PMCH: variants seen among roughly 807,000 people sequenced by gnomAD.
PMCH encodes pro-melanin concentrating hormone.
PMCH carries 8 observed loss-of-function variants against 15.9 expected under a neutral mutation model. The observed-to-expected ratio is 0.50, with a 90% CI of 0.29 to 0.91. PMCH has a LOEUF of 0.91. PMCH is among the 40% of genes least tolerant of loss of function. The pLI is 0.07. For synonymous variants in PMCH, 73 were observed against 63.8 expected, an observed-to-expected ratio of 1.14 and a Z score of -0.69; for missense variants, 169 against 185.7, an observed-to-expected ratio of 0.91 and a Z score of 0.52.
In PMCH at chr12:102,197,549, C is replaced by G; in HGVS notation, c.222G>C (p.Met74Ile). 1.2e-6 allele frequency: 2 copies of G among 1,608,764 alleles called. No individual in the cohort carries two copies. The highest frequency in any genetic ancestry group is 2.2e-5 in the South Asian group (2 of 89,806). ...EQYKNDESSF[M>I]NEEENKVSKN... The stretch of plus-strand genomic sequence containing the variant: ...TTGAAACTTTATTTTCCTCTTCGTT[C>G]ATGAAACTGCTCTCATCATTTTTAT... Residue 74 changes from methionine (M) to isoleucine (I), a missense_variant, in exon 1 of 3, where the codon ATG becomes ATC. Met to Ile is a conservative substitution (Grantham distance 10, BLOSUM62 1). Transcript: ENST00000329406.
In PMCH at chr12:102,196,486, G is replaced by A; in HGVS notation, c.*166C>T. The A allele has an allele frequency of 1.4e-6, 1 of 736,954 alleles. No individual in the cohort carries two copies. Among genetic ancestry groups the A allele is most frequent in the South Asian group, 1.7e-5 (1 of 58,506 alleles). The allele number at this position is 736,954 out of a possible 1,614,324, so 45.7% of individuals were successfully genotyped here. A position where few individuals can be genotyped will look rare whatever the true frequency, so the allele number is the denominator to read the frequency against. ...ATGCAGAATTTTCACAAAGTTTAAT[G>A]CACAGAGAAAGCATATCATTTCAGT... On this transcript the variant is annotated 3_prime_UTR_variant, in exon 3 of 3. Coordinates refer to ENST00000329406, the MANE Select transcript of PMCH (RefSeq NM_002674.4).
In PMCH at chr12:102,197,188, G is replaced by A. The variant is rs1402463480; in HGVS notation, c.250-17C>T. Reference sequence around the variant, plus strand: ...GCCTGTGTTCTGTAAAGAGAAGGTTGATTTGGTTTTTAGCTATCGTATTCG... The same window carrying A: ...GCCTGTGTTCTGTAAAGAGAAGGTTAATTTGGTTTTTAGCTATCGTATTCG... On this transcript the variant is annotated splice_polypyrimidine_tract_variant and intron_variant, in intron 1 of 2. Coordinates refer to ENST00000329406, the MANE Select transcript of PMCH (RefSeq NM_002674.4). 1 of 1,597,542 alleles carries A rather than the reference G, an allele frequency of 6.3e-7. No homozygotes were observed. Among genetic ancestry groups the A allele is most frequent in the Admixed American group, 1.7e-5 (1 of 59,498 alleles).
chr12:102,196,997 G>A lies in PMCH; in HGVS notation c.424C>T (p.Pro142Ser). ...CTGTCAAAATCTCTCCTTCCTATAG[G>A]AAATTTAGCTGAGTTTTCTTCATCC... Reference protein sequence around the residue: ...IGDEENSAKFPIGRRDFDMLR... With the variant: ...IGDEENSAKFSIGRRDFDMLR... Residue 142 changes from proline (P) to serine (S), a missense_variant, in exon 2 of 3, where the codon CCT (proline) becomes TCT (serine). Coordinates refer to ENST00000329406, the MANE Select transcript of PMCH (RefSeq NM_002674.4). The A allele has an allele frequency of 6.2e-7, 1 of 1,611,462 alleles. No homozygotes were observed. The highest frequency in any genetic ancestry group is 8.5e-7 in the Non-Finnish European group (1 of 1,178,280).
chr12:102,196,624 CT>C lies in PMCH; in HGVS notation c.*27del. On this transcript the variant is annotated 3_prime_UTR_variant, in exon 3 of 3. Transcript: ENST00000329406. Reference sequence around the variant, plus strand: ...GGCAATTAAATGCTTTTATTTTCTTCTGAAAAGATGATGTGGACCAACAGGT... The same window carrying C: ...GGCAATTAAATGCTTTTATTTTCTTCGAAAAGATGATGTGGACCAACAGGT... The C allele has an allele frequency of 6.4e-7, 1 of 1,563,852 alleles. No individual in the cohort carries two copies. The highest frequency in any genetic ancestry group is 2.2e-5 in the East Asian group (1 of 44,564).
At chr12:102,197,414 G>A in intron 1 of PMCH, 108 bp downstream of exon 1, 1 of 1,052,742 alleles carries the variant, frequency 9.5e-7, no homozygotes, top group East Asian at 2.4e-5. Context: ...TATTGTGACT[G>A]TTTGCATATA....
chr12:102,197,409 T>C (rs1446041226), intron 1 of PMCH, 113 bp downstream of exon 1: 5 of 1,016,456 alleles, frequency 4.9e-6, no homozygotes, highest in Non-Finnish European at 7.2e-6. Flanking sequence ...ATGCATATTG[T>C]GACTGTTTGC....
At chr12:102,196,919 G>A in intron 2 of PMCH, 54 bp downstream of exon 2, 1 of 1,438,800 alleles carries the variant, frequency 7.0e-7, no homozygotes, top group Non-Finnish European at 9.7e-7. Flanking sequence ...TTAACTCAGA[G>A]TTCTGTTTAA....
Position 102,197,752 on chromosome 12 carries a change from A to G in PMCH, c.19T>C (p.Ser7Pro), listed in dbSNP as rs746435201. 1.3e-6 allele frequency: 2 copies of G among 1,585,326 alleles called. No individual in the cohort carries two copies. The highest frequency in any genetic ancestry group is 1.7e-6 in the Non-Finnish European group (2 of 1,165,104). MAKMNLSSYILILTFSL... is the reference protein window; with the variant it reads MAKMNLPSYILILTFSL... Reference sequence around the variant, plus strand: ...AAAGTTAGTATTAATATATAGGAAGAGAGATTCATTTTTGCCATTCTTAGT... The same window carrying G: ...AAAGTTAGTATTAATATATAGGAAGGGAGATTCATTTTTGCCATTCTTAGT... The change falls in exon 1 of 3, where the codon TCT becomes CCT. Residue 7 changes from serine (S) to proline (P), a missense_variant. Transcript: ENST00000329406.
Position 102,197,542 on chromosome 12 carries a change from C to T in PMCH, c.229G>A (p.Glu77Lys). 1 of 1,606,842 alleles carries T rather than the reference C, an allele frequency of 6.2e-7. No individual in the cohort carries two copies. ...KNDESSFMNE[E>K]ENKVSKNTGS... Reference sequence around the variant, plus strand: ...CTTACCTTTGAAACTTTATTTTCCTCTTCGTTCATGAAACTGCTCTCATCA... The same window carrying T: ...CTTACCTTTGAAACTTTATTTTCCTTTTCGTTCATGAAACTGCTCTCATCA... Residue 77 changes from glutamate (E) to lysine (K), a missense_variant, in exon 1 of 3, where the codon GAG becomes AAG. Coordinates refer to ENST00000329406, the MANE Select transcript of PMCH (RefSeq NM_002674.4).
chr12:102,197,331 T>C (rs1891401856), intron 1 of PMCH, 160 bp from the exon 2 acceptor site: 2 of 822,096 alleles, frequency 2.4e-6, no homozygotes, highest in Non-Finnish European at 3.7e-6. Context: ...AAAAACACTT[T>C]CAGATAAGAG....
In PMCH at chr12:102,197,118, A is replaced by G; in HGVS notation, c.303T>C (p.Ala101=). The G allele has an allele frequency of 1.2e-6, 2 of 1,612,312 alleles. No homozygotes were observed. The highest frequency in any genetic ancestry group is 1.7e-6 in the Non-Finnish European group (2 of 1,178,704). Residue 101 remains alanine, a synonymous_variant, in exon 2 of 3, where the codon GCT becomes GCC. Transcript: ENST00000329406. ...CTTTTAGTGCAAGATAAGGTTTTAT[A>G]GCCAGATTCAGTGGCAGACCATGAT... ...FLNHGLPLNL[A]IKPYLALKGS...
At chr12:102,197,268 T>A (rs1891395135) in intron 1 of PMCH, 97 bp from the exon 2 acceptor site, 2 of 1,056,276 alleles carry the variant, frequency 1.9e-6, no homozygotes, top group Non-Finnish European at 2.7e-6. Flanking sequence ...TCAAAGTTAC[T>A]CTGCACTGTT....
chr12:102,197,546 G>C lies in PMCH; in HGVS notation c.225C>G (p.Asn75Lys), dbSNP rs550882139. ...QYKNDESSFM[N>K]EEENKVSKNT... The stretch of plus-strand genomic sequence containing the variant: ...CCTTTGAAACTTTATTTTCCTCTTC[G>C]TTCATGAAACTGCTCTCATCATTTT... The change falls in exon 1 of 3, where the codon AAC becomes AAG. Residue 75 changes from asparagine to lysine, a missense_variant. Transcript: ENST00000329406. The C allele has an allele frequency of 1.5e-4, 237 of 1,607,420 alleles. 1 individual carries two copies. In the South Asian group the frequency reaches 1.6e-3, roughly 11 times the overall value.
Position 102,196,571 on chromosome 12 carries a change from A to G in PMCH, c.*81T>C. 1 of 964,162 alleles carries G rather than the reference A, an allele frequency of 1.0e-6. No homozygotes were observed. The highest frequency in any genetic ancestry group is 1.7e-6 in the Non-Finnish European group (1 of 590,122). The allele number at this position is 964,162 out of a possible 1,614,324, so 59.7% of individuals were successfully genotyped here. A position where few individuals can be genotyped will look rare whatever the true frequency, so the allele number is the denominator to read the frequency against. On this transcript the variant is annotated 3_prime_UTR_variant, in exon 3 of 3. Transcript: ENST00000329406. ...CAGACATTTAACATACACAAGTTAT[A>G]GTAGCAGTATGGGCTTCTCCTCCCA...
intron 1 of PMCH, 82 bp from the exon 2 acceptor site, chr12:102,197,253 T>C (rs534700546): frequency 8.5e-7 from 1 of 1,174,328 alleles, no homozygotes; most frequent in South Asian, 1.4e-5. Context: ...TTCTTGTTGA[T>C]CAATTCAAAG....
intron 2 of PMCH, 27 bp from the exon 3 acceptor site, chr12:102,196,728 T>A (rs1486215113): frequency 6.5e-7 from 1 of 1,543,924 alleles, no homozygotes; most frequent in Non-Finnish European, 8.9e-7. Context: ...GTTTAAATTG[T>A]TTAAAGGACT....
Position 102,197,502 on chromosome 12 carries a change from CAA to C in PMCH, c.249+18_249+19del, listed in dbSNP as rs751321694. ...TTTAAATTTTCATTGAAATAAACGA[CAA>C]GTCACATTGCCACTTACCTTTGAAA... On this transcript the variant is annotated intron_variant, in intron 1 of 2. Coordinates refer to ENST00000329406, the MANE Select transcript of PMCH (RefSeq NM_002674.4). 5 of 1,578,370 alleles carry C rather than the reference CAA, an allele frequency of 3.2e-6. No homozygotes were observed. The highest frequency in any genetic ancestry group is 1.4e-5 in the African/African-American group (1 of 73,354).
chr12:102,197,041 T>G lies in PMCH; in HGVS notation c.380A>C (p.Gln127Pro), dbSNP rs940870183. 1.9e-6 allele frequency: 3 copies of G among 1,612,096 alleles called. No individual in the cohort carries two copies. The African/African-American group carries it at 4.0e-5, about 22-fold the overall frequency. Residue 127 changes from glutamine to proline, a missense_variant, in exon 2 of 3, where the codon CAA (glutamine) becomes CCA (proline). Transcript: ENST00000329406. ...ENGVQNTESTQEKREIGDEEN... is the reference protein window; with the variant it reads ...ENGVQNTESTPEKREIGDEEN... Reference sequence around the variant, plus strand: ...TTCATCCCCAATTTCTCTCTTTTCTTGTGTTGATTCAGTATTCTGAACTCC... The same window carrying G: ...TTCATCCCCAATTTCTCTCTTTTCTGGTGTTGATTCAGTATTCTGAACTCC...
At position 102,197,664 on chromosome 12, in the gene PMCH, T is replaced by A. The variant is rs1215392788; in HGVS notation, c.107A>T (p.Asp36Val). 4 of 1,611,970 alleles carry A rather than the reference T, an allele frequency of 2.5e-6. No homozygotes were observed. Residue 36 changes from aspartate (D) to valine (V), a missense_variant, in exon 1 of 3, where the codon GAC becomes GTC. Coordinates refer to ENST00000329406, the MANE Select transcript of PMCH (RefSeq NM_002674.4). ...ASKSIRNLDD[D>V]MVFNTFRLGK... is the part of the protein sequence containing the mutation. ...CAACCTGAATGTATTAAATACCATG[T>A]CATCATCTAAATTTCTTATGGACTT...
Sources: allele counts gnomAD v4.1 joint callset, GRCh38; gene constraint gnomAD v4.1.1; transcripts MANE v1.5; gene names NCBI Gene and HGNC (gene_info 2026-07-23, HGNC 2026-07-21).